GALNTL6: variants seen among roughly 807,000 people sequenced by gnomAD.
The protein encoded by GALNTL6 is polypeptide N-acetylgalactosaminyltransferase like 6.
In GALNTL6, 46 loss-of-function variants were observed where a neutral mutation model predicts 73.7. The observed-to-expected ratio is 0.62, with a 90% CI of 0.49 to 0.80. The LOEUF is 0.80. Among genes scored for constraint, GALNTL6 ranks in the 30% least tolerant of loss-of-function variants. The probability of loss-of-function intolerance (pLI) is 0.00; values close to 1 mark genes in which losing one functional copy is unlikely to be tolerated. For missense variants in GALNTL6, 604 were observed against 755.0 expected (o/e 0.80, Z 2.34); for synonymous variants, 259 against 263.7 (o/e 0.98, Z 0.17).
intron 3 of GALNTL6, among the ~76,000 whole-genome samples, chr4:172,301,505 A>G (rs1349572794): frequency 6.6e-6 from 1 of 151,874 alleles, no homozygotes; most frequent in Non-Finnish European, 1.5e-5. Flanking sequence ...GGTTTTATCT[A>G]CCTTTGGTCT....
At chr4:171,987,895 G>A (rs993376606) in intron 2 of GALNTL6, among the ~76,000 whole-genome samples, 2 of 152,158 alleles carry the variant, frequency 1.3e-5, no homozygotes, top group Admixed American at 6.5e-5. Context: ...GTGGTATCAG[G>A]AATAATGTGG....
intron 5 of GALNTL6, among the ~76,000 whole-genome samples, chr4:172,467,866 CCT>C (rs1732889886): frequency 9.1e-6 from 1 of 109,590 alleles, no homozygotes. Flanking sequence ...TTCTTTCTTT[CCT>C]TCTTTCCTTC....
intron 5 of GALNTL6, among the ~76,000 whole-genome samples, chr4:172,641,334 A>G (rs1165960715): frequency 6.6e-6 from 1 of 152,072 alleles, no homozygotes; most frequent in Admixed American, 6.6e-5. Context: ...AGTAAAATGA[A>G]AAGTCCTTAC....
chr4:172,660,855 C>T (rs1393456244), intron 5 of GALNTL6, among the ~76,000 whole-genome samples: 1 of 152,144 alleles, frequency 6.6e-6, no homozygotes, highest in Non-Finnish European at 1.5e-5. Context: ...CCCTCTGAGC[C>T]AGCTCTGGTT....
chr4:172,782,978 A>C (rs1476632470), intron 5 of GALNTL6, among the ~76,000 whole-genome samples: 1 of 152,114 alleles, frequency 6.6e-6, no homozygotes, highest in East Asian at 1.9e-4. Context: ...CCCAAAATGC[A>C]CAGTAATTGG....
intron 8 of GALNTL6, among the ~76,000 whole-genome samples, chr4:172,888,171 T>C (rs966908453): frequency 3.9e-5 from 6 of 152,256 alleles, no homozygotes. Flanking sequence ...TCTTTTGCTG[T>C]GAAGAAGCTC....
In GALNTL6 at chr4:172,952,079, G is replaced by A; in HGVS notation, c.1192G>A (p.Glu398Lys). The A allele has an allele frequency of 6.2e-7, 1 of 1,613,994 alleles. No homozygotes were observed. Among genetic ancestry groups the A allele is most frequent in the Middle Eastern group, 1.6e-4 (1 of 6,062 alleles). Residue 398 changes from glutamate to lysine, a missense_variant, in exon 10 of 13, where the codon GAG (glutamate) becomes AAG (lysine). By Grantham distance (56) the Glu-to-Lys change is moderately conservative. Around this residue, in one of 5 missense-constraint regions of GALNTL6, gnomAD observed 261 missense variants for 296.5 expected, o/e 0.88. Coordinates refer to ENST00000506823, the MANE Select transcript of GALNTL6 (RefSeq NM_001034845.3). ...VAETWMDEFAEYIYQRRPEYR... is the reference protein window; with the variant it reads ...VAETWMDEFAKYIYQRRPEYR... ...TGAGACCTGGATGGATGAATTTGCC[G>A]AGTACATTTACCAGCGGCGGCCGGA...
At chr4:171,992,225 GACA>G (rs1740358941) in intron 2 of GALNTL6, among the ~76,000 whole-genome samples, 2 of 151,936 alleles carry the variant, frequency 1.3e-5, no homozygotes, top group South Asian at 4.1e-4. Flanking sequence ...TCAACTTGCT[GACA>G]AAAGAACTGA....
chr4:172,909,343 G>A lies in GALNTL6; in HGVS notation c.1042-21818G>A, dbSNP rs1255350567. On this transcript the variant is annotated intron_variant, in intron 8 of 12. Coordinates refer to ENST00000506823, the MANE Select transcript of GALNTL6 (RefSeq NM_001034845.3). The stretch of plus-strand genomic sequence containing the variant: ...AAAAACTAGAAGCAATCAACGAAAA[G>A]GTTAATTCATTTACATAAAATATTA... 3.4e-5 allele frequency among the ~76,000 whole-genome samples: 3 copies of A among 88,568 alleles called. No homozygotes were observed. The East Asian group carries it at 9.5e-4, about 28-fold the overall frequency. The allele number at this position is 88,568 out of a possible 152,430, so 58.1% of individuals were successfully genotyped here. A position where few individuals can be genotyped will look rare whatever the true frequency, so the allele number is the denominator to read the frequency against.
At chr4:172,014,348 A>G (rs548185498) in intron 2 of GALNTL6, among the ~76,000 whole-genome samples, 1 of 152,128 alleles carries the variant, frequency 6.6e-6, no homozygotes, top group Admixed American at 6.6e-5. Flanking sequence ...ACAGTGTACA[A>G]GAGTTCCCTT....
intron 5 of GALNTL6, among the ~76,000 whole-genome samples, chr4:172,783,070 C>G (rs1277850403): frequency 1.3e-5 from 2 of 151,526 alleles, no homozygotes; most frequent in Non-Finnish European, 2.9e-5. Flanking sequence ...AAGTTGTTTG[C>G]ACCACTTGAA....
chr4:172,393,623 T>C (rs1743744896), intron 5 of GALNTL6, among the ~76,000 whole-genome samples: 1 of 152,168 alleles, frequency 6.6e-6, no homozygotes, highest in Admixed American at 6.5e-5. Context: ...CATACGAAAA[T>C]ATTTTGAGAG....
At chr4:172,830,545 G>A (rs533107117) in intron 7 of GALNTL6, among the ~76,000 whole-genome samples, 1 of 152,316 alleles carries the variant, frequency 6.6e-6, no homozygotes, top group African/African-American at 2.4e-5. Context: ...CTAAATTAAA[G>A]GTAATGTACA....
At chr4:172,129,733 T>C (rs1375971084) in intron 2 of GALNTL6, among the ~76,000 whole-genome samples, 4 of 152,068 alleles carry the variant, frequency 2.6e-5, no homozygotes, top group Admixed American at 6.6e-5. Context: ...TTCTGTAGGA[T>C]CCAAAATACT....
intron 5 of GALNTL6, among the ~76,000 whole-genome samples, chr4:172,767,667 C>CTTTTTTTTTTTTTT (rs1553986523): frequency 1.7e-5 from 2 of 118,094 alleles, no homozygotes; most frequent in Non-Finnish European, 3.4e-5. Context: ...GATTTTTTTT[C>CTTTTTTTTTTTTTT]TTTTTTTTTT....
chr4:173,035,583 TA>T (rs919933549), intron 12 of GALNTL6, among the ~76,000 whole-genome samples: 4 of 152,178 alleles, frequency 2.6e-5, no homozygotes, highest in African/African-American at 9.7e-5. Context: ...CACCAGAAAA[TA>T]AAAGTCACTT....
chr4:172,613,882 A>C (rs1466021428), intron 5 of GALNTL6, among the ~76,000 whole-genome samples: 1 of 152,124 alleles, frequency 6.6e-6, no homozygotes, highest in Non-Finnish European at 1.5e-5. Context: ...AGTGTATCAG[A>C]GTTTATTTTC....
At chr4:172,430,447 C>A (rs17226121) in intron 5 of GALNTL6, among the ~76,000 whole-genome samples, 1 of 151,838 alleles carries the variant, frequency 6.6e-6, no homozygotes, top group African/African-American at 2.4e-5. Flanking sequence ...AGAAACAGAG[C>A]GTTTCAGTAG....
At chr4:171,942,138 C>A (rs2111015018) in intron 2 of GALNTL6, among the ~76,000 whole-genome samples, 1 of 151,964 alleles carries the variant, frequency 6.6e-6, no homozygotes, top group Non-Finnish European at 1.5e-5. Flanking sequence ...CGCCTGGAAT[C>A]CCAGCACTTT....
Sources: gnomAD v4.1 joint callset for allele counts (sites outside exome capture counted in the v4.1 genomes callset) on GRCh38, gnomAD v4.1.1 for gene constraint, gnomAD v4.1.1 regional missense constraint, MANE v1.5 for transcripts, NCBI Gene and HGNC (gene_info 2026-07-23, HGNC 2026-07-21) for gene names.